ACTR3C: variants seen among roughly 807,000 people sequenced by gnomAD.
The protein encoded by ACTR3C is actin-related protein 3C.
ACTR3C carries 18 observed loss-of-function variants against 26.3 expected under a neutral mutation model. That is an observed-to-expected ratio of 0.68 (90% confidence interval 0.47 to 1.01). The LOEUF (loss-of-function observed/expected upper bound fraction) is 1.01, where lower values mean the gene tolerates loss of function less well. Ranked by LOEUF, ACTR3C falls within the 50% of genes least tolerant of loss-of-function variation. The probability of loss-of-function intolerance (pLI) is 0.00; values close to 1 mark genes in which losing one functional copy is unlikely to be tolerated. For missense variants in ACTR3C, 184 were observed against 250.7 expected (o/e 0.73, Z 1.80); for synonymous variants, 55 against 94.5 (o/e 0.58, Z 2.42).
the ACTR3C span, among the ~76,000 whole-genome samples, chr7:150,117,515 G>T: frequency 6.6e-6 from 1 of 152,256 alleles, no homozygotes; most frequent in African/African-American, 2.4e-5. Context: ...AGCCACTGTA[G>T]CCAGATTGCC....
At chr7:150,051,200 C>T in the ACTR3C span, among the ~76,000 whole-genome samples, 9 of 151,932 alleles carry the variant, frequency 5.9e-5, no homozygotes, top group African/African-American at 2.2e-4. Context: ...CGGATACACA[C>T]ATTGCAGTCG....
the ACTR3C span, among the ~76,000 whole-genome samples, chr7:149,950,530 A>G: frequency 3.3e-5 from 5 of 152,062 alleles, no homozygotes; most frequent in African/African-American, 7.3e-5. Flanking sequence ...GGCTTCACGA[A>G]AAACCAAAGG....
intron 1 of ACTR3C, among the ~76,000 whole-genome samples, chr7:150,318,228 G>A (rs982715760): frequency 6.6e-6 from 1 of 152,280 alleles, no homozygotes; most frequent in East Asian, 1.9e-4. Context: ...TGTGCTCAGA[G>A]ATCATTATGG....
the ACTR3C span, among the ~76,000 whole-genome samples, chr7:149,913,440 A>G: frequency 6.6e-6 from 1 of 152,084 alleles, no homozygotes; most frequent in Admixed American, 6.6e-5. Context: ...GTGTTCCTCA[A>G]AATGTTTACC....
chr7:150,182,087 T>TC, the ACTR3C span, among the ~76,000 whole-genome samples: 1 of 150,588 alleles, frequency 6.6e-6, no homozygotes, highest in Non-Finnish European at 1.5e-5. Context: ...AGCTCTTTCC[T>TC]CCTTACTAAG....
the ACTR3C span, chr7:149,892,488 G>A: frequency 7.9e-7 from 1 of 1,259,376 alleles, no homozygotes. Context: ...ATACACACAA[G>A]TAAATTTTCA....
At chr7:149,941,230 G>A in the ACTR3C span, among the ~76,000 whole-genome samples, 1 of 152,132 alleles carries the variant, frequency 6.6e-6, no homozygotes, top group South Asian at 2.1e-4. Context: ...ATAAATGGAA[G>A]TTTACACTCA....
the ACTR3C span, among the ~76,000 whole-genome samples, chr7:149,896,930 A>G: frequency 0.014 from 2,059 of 151,546 alleles, 44 homozygotes; most frequent in African/African-American, 0.048. Flanking sequence ...GCATGGGGGC[A>G]GGCACCTATA....
chr7:150,037,990 C>T, the ACTR3C span, among the ~76,000 whole-genome samples: 10 of 139,188 alleles, frequency 7.2e-5, no homozygotes, highest in South Asian at 2.2e-4. Flanking sequence ...TCGCAGTCCC[C>T]GCCTCGCGGG....
the ACTR3C span, among the ~76,000 whole-genome samples, chr7:150,220,718 C>T: frequency 6.6e-6 from 1 of 152,276 alleles, no homozygotes; most frequent in African/African-American, 2.4e-5. Context: ...GTGGGGAAAC[C>T]CGCGAAAGCC....
At chr7:150,206,720 C>G in the ACTR3C span, among the ~76,000 whole-genome samples, 1 of 152,140 alleles carries the variant, frequency 6.6e-6, no homozygotes, top group Non-Finnish European at 1.5e-5. Flanking sequence ...CCGCACCAGG[C>G]GGGTAGAGTC....
At chr7:150,216,175 G>A in the ACTR3C span, among the ~76,000 whole-genome samples, 3,699 of 152,034 alleles carry the variant, frequency 0.024, 138 homozygotes, top group African/African-American at 0.085. Flanking sequence ...CAGATAGAGC[G>A]AAGAATTTTA....
At chr7:150,189,011 T>C in the ACTR3C span, among the ~76,000 whole-genome samples, 6 of 150,990 alleles carry the variant, frequency 4.0e-5, no homozygotes, top group Non-Finnish European at 8.8e-5. Context: ...AAACATGAGT[T>C]CACACGGATA....
chr7:150,069,476 A>C, the ACTR3C span, among the ~76,000 whole-genome samples: 2 of 152,214 alleles, frequency 1.3e-5, no homozygotes, highest in African/African-American at 4.8e-5. Flanking sequence ...TCAGCGGGTG[A>C]AACTCATTAA....
the ACTR3C span, among the ~76,000 whole-genome samples, chr7:150,142,402 A>T: frequency 2.0e-5 from 3 of 152,156 alleles, no homozygotes; most frequent in African/African-American, 7.2e-5. Flanking sequence ...TACAGTGAAG[A>T]TGACAAAGCC....
chr7:149,973,002 C>T, the ACTR3C span, among the ~76,000 whole-genome samples: 1 of 151,908 alleles, frequency 6.6e-6, no homozygotes, highest in Admixed American at 6.6e-5. Flanking sequence ...GCATGGGCAG[C>T]ATGTCTGTCC....
the ACTR3C span, among the ~76,000 whole-genome samples, chr7:149,998,536 C>T: frequency 2.0e-5 from 3 of 148,902 alleles, no homozygotes; most frequent in South Asian, 2.2e-4. Flanking sequence ...GTCCTTCACA[C>T]GGCAGCAGGA....
intron 6 of ACTR3C, among the ~76,000 whole-genome samples, chr7:150,267,761 G>T (rs1834150845): frequency 6.6e-6 from 1 of 152,144 alleles, no homozygotes. Flanking sequence ...ATGCCCCACG[G>T]ATAAGAAGGG....
chr7:150,039,429 C>CGG, the ACTR3C span, among the ~76,000 whole-genome samples: 2 of 46,832 alleles, frequency 4.3e-5, no homozygotes, highest in African/African-American at 1.0e-4. Context: ...CCCTGCCTCG[C>CGG]GGGGGTGCCT....
Sources: allele counts gnomAD v4.1 joint callset (sites outside exome capture counted in the v4.1 genomes callset), GRCh38; gene constraint gnomAD v4.1.1; transcripts MANE v1.5; gene names NCBI Gene and HGNC (gene_info 2026-07-23, HGNC 2026-07-21).